THRAP3: variants seen among roughly 807,000 people sequenced by gnomAD.
The protein encoded by THRAP3 is thyroid hormone receptor-associated protein 3.
A neutral mutation model predicts 101.0 loss-of-function variants in THRAP3; 16 were observed. The observed-to-expected ratio is 0.16, with a 90% CI of 0.11 to 0.24. The LOEUF (loss-of-function observed/expected upper bound fraction) is 0.24. THRAP3 is among the 10% of genes least tolerant of loss of function. The probability of loss-of-function intolerance (pLI) is 1.00; values close to 1 mark genes in which losing one functional copy is unlikely to be tolerated. For synonymous variants in THRAP3, 407 were observed against 422.6 expected (o/e 0.96, Z 0.45); for missense variants, 989 against 1,202.7 (o/e 0.82, Z 2.63).
intron 2 of THRAP3, among the ~76,000 whole-genome samples, chr1:36,275,875 C>T (rs1037888472): frequency 6.6e-6 from 1 of 152,004 alleles, no homozygotes; most frequent in Non-Finnish European, 1.5e-5. Flanking sequence ...AAATATTAGC[C>T]AGGCATGGTG....
At chr1:36,303,315 C>T (rs960032773) in intron 11 of THRAP3, among the ~76,000 whole-genome samples, 1 of 151,858 alleles carries the variant, frequency 6.6e-6, no homozygotes, top group Non-Finnish European at 1.5e-5. Flanking sequence ...TGGAGTTGCA[C>T]GTTTTGGTGT....
At chr1:36,211,346 G>A in the THRAP3 span, among the ~76,000 whole-genome samples, 1 of 151,060 alleles carries the variant, frequency 6.6e-6, no homozygotes, top group Non-Finnish European at 1.5e-5. Flanking sequence ...GGGAGACAGA[G>A]TGAGTCCAGG....
chr1:36,270,377 AGAGT>A (rs1645571977), intron 2 of THRAP3, among the ~76,000 whole-genome samples: 1 of 152,096 alleles, frequency 6.6e-6, no homozygotes, highest in Non-Finnish European at 1.5e-5. Flanking sequence ...CTGAAACAAC[AGAGT>A]GAGACCCTGA....
chr1:36,300,842 C>T (rs1345645261), intron 9 of THRAP3, 44 bp from the exon 10 acceptor site: 5 of 1,601,004 alleles, frequency 3.1e-6, no homozygotes, highest in African/African-American at 2.7e-5. Flanking sequence ...AAGCAGTGTC[C>T]CTTAGAAAGA....
Position 36,301,703 on chromosome 1 carries a change from G to A in THRAP3, c.2646+7G>A, listed in dbSNP as rs764670219. On this transcript the variant is annotated splice_region_variant and intron_variant, in intron 11 of 11. Coordinates refer to ENST00000354618, the MANE Select transcript of THRAP3 (RefSeq NM_005119.4). ...AAGCAAGAAGTATTACTTGGTATGT[G>A]TCTGGGGATAACCAGGAAGGGTTAG... The A allele has an allele frequency of 5.0e-6, 8 of 1,610,576 alleles. 1 individual carries two copies. In the South Asian group the frequency reaches 8.8e-5, roughly 18 times the overall value.
intron 6 of THRAP3, among the ~76,000 whole-genome samples, chr1:36,292,256 CTTTGTTTCTTT>C (rs1295092572): frequency 5.9e-4 from 32 of 54,554 alleles, no homozygotes; most frequent in East Asian, 3.6e-3. Flanking sequence ...TAATGTGTTT[CTTTGTTTCTTT>C]TTTTTTTTTT....
At chr1:36,274,520 G>A (rs1422242271) in intron 2 of THRAP3, among the ~76,000 whole-genome samples, 1 of 151,418 alleles carries the variant, frequency 6.6e-6, no homozygotes, top group African/African-American at 2.4e-5. Context: ...ATGTACTATA[G>A]CTACACTAAT....
chr1:36,208,159 C>T, the THRAP3 span, among the ~76,000 whole-genome samples: 16 of 152,300 alleles, frequency 1.1e-4, no homozygotes, highest in Admixed American at 7.8e-4. Context: ...AGTCGGCTCC[C>T]CTCCAGGCTG....
chr1:36,296,710 A>C lies in THRAP3; in HGVS notation c.2243A>C (p.His748Pro). 1.2e-6 allele frequency: 2 copies of C among 1,609,838 alleles called. No homozygotes were observed. Among genetic ancestry groups the C allele is most frequent in the Non-Finnish European group, 1.7e-6 (2 of 1,179,056 alleles). Reference protein sequence around the residue: ...RESVDSRDSSHSRERSAEKTE... With the variant: ...RESVDSRDSSPSRERSAEKTE... ...TCAGTGGATTCCCGAGACTCCAGTCACTCAAGGGAAAGGTCAGCTGAAAAA... is the reference window on the plus strand; with the variant it reads ...TCAGTGGATTCCCGAGACTCCAGTCCCTCAAGGGAAAGGTCAGCTGAAAAA... Residue 748 changes from histidine to proline, a missense_variant, in exon 9 of 12, where the codon CAC becomes CCC. Physicochemically the swap from His to Pro is moderately conservative, Grantham distance 77. Coordinates refer to ENST00000354618, the MANE Select transcript of THRAP3 (RefSeq NM_005119.4).
chr1:36,242,682 G>C (rs1645176413), intron 1 of THRAP3, among the ~76,000 whole-genome samples: 1 of 151,656 alleles, frequency 6.6e-6, no homozygotes, highest in Admixed American at 6.6e-5. Flanking sequence ...TGGATCTCCT[G>C]ACCTGTGATC....
intron 1 of THRAP3, among the ~76,000 whole-genome samples, chr1:36,230,628 C>A (rs1645017996): frequency 6.6e-6 from 1 of 152,110 alleles, no homozygotes; most frequent in Non-Finnish European, 1.5e-5. Flanking sequence ...ATACTCATAT[C>A]TTTTGTAGTG....
At chr1:36,262,554 A>G (rs1207404973) in intron 2 of THRAP3, among the ~76,000 whole-genome samples, 1 of 152,156 alleles carries the variant, frequency 6.6e-6, no homozygotes, top group Admixed American at 6.6e-5. Context: ...CTGTAGTTCT[A>G]TCCAGGCTTT....
At chr1:36,209,410 A>C in the THRAP3 span, among the ~76,000 whole-genome samples, 4 of 152,150 alleles carry the variant, frequency 2.6e-5, no homozygotes, top group African/African-American at 9.7e-5. Context: ...TGTCTTGCGC[A>C]TTGTAGGATG....
In THRAP3 at chr1:36,303,889, C is replaced by G; in HGVS notation, c.2740C>G (p.Arg914Gly). Residue 914 changes from arginine (R) to glycine (G), a missense_variant, in exon 12 of 12, where the codon CGG becomes GGG. Coordinates refer to ENST00000354618, the MANE Select transcript of THRAP3 (RefSeq NM_005119.4). ...TCGGGGTCGGGGCCGGTTCATGTTC[C>G]GGAAATCAAGTACCAGCCCCAAGTG... is the stretch of plus-strand genomic sequence containing the variant. The part of the protein sequence containing the change: ...FPRGRGRFMF[R>G]KSSTSPKWAH... The G allele has an allele frequency of 6.2e-7, 1 of 1,613,520 alleles. No individual in the cohort carries two copies. The highest frequency in any genetic ancestry group is 8.5e-7 in the Non-Finnish European group (1 of 1,179,828).
At chr1:36,250,870 C>T (rs1645292987) in intron 1 of THRAP3, among the ~76,000 whole-genome samples, 1 of 152,072 alleles carries the variant, frequency 6.6e-6, no homozygotes, top group African/African-American at 2.4e-5. Flanking sequence ...CCTCAGCCTA[C>T]TGAGTGGCTG....
At chr1:36,296,189 G>A (rs1355040617) in intron 8 of THRAP3, among the ~76,000 whole-genome samples, 1 of 151,794 alleles carries the variant, frequency 6.6e-6, no homozygotes, top group Non-Finnish European at 1.5e-5. Context: ...GCCCATGCTG[G>A]TCTTGAACTC....
At chr1:36,231,725 G>A (rs1474987664) in intron 1 of THRAP3, among the ~76,000 whole-genome samples, 2 of 152,082 alleles carry the variant, frequency 1.3e-5, no homozygotes, top group African/African-American at 4.8e-5. Flanking sequence ...AAGTTAACGA[G>A]GAAGTTTCTT....
chr1:36,222,406 T>C (rs1644906460), upstream of THRAP3, among the ~76,000 whole-genome samples: 1 of 151,902 alleles, frequency 6.6e-6, no homozygotes, highest in Admixed American at 6.6e-5. Context: ...GTATTTCTTT[T>C]TTTCTTTTCT....
intron 8 of THRAP3, among the ~76,000 whole-genome samples, chr1:36,295,946 C>G (rs1441881991): frequency 8.2e-6 from 1 of 122,004 alleles, no homozygotes; most frequent in East Asian, 2.7e-4. Context: ...TAATTTTAGC[C>G]TTCTCAACTT....
Sources: gnomAD v4.1 joint callset for allele counts (sites outside exome capture counted in the v4.1 genomes callset) on GRCh38, gnomAD v4.1.1 for gene constraint, MANE v1.5 for transcripts, NCBI Gene and HGNC (gene_info 2026-07-23, HGNC 2026-07-21) for gene names.